Variants in APC2 observed in about 807,000 individuals in gnomAD.
APC2 encodes the protein APC regulator of Wnt signaling pathway 2.
APC2 carries 41 observed loss-of-function variants against 72.5 expected under a neutral mutation model. The observed-to-expected ratio is 0.57, with a 90% CI of 0.44 to 0.73. APC2 has a LOEUF of 0.73. Ranked by LOEUF, APC2 falls within the 30% of genes least tolerant of loss-of-function variation. The pLI, the probability that APC2 is intolerant of heterozygous loss-of-function variation, is 0.00. For synonymous variants in APC2, 1,898 were observed against 1,612.0 expected (o/e 1.18, Z -4.25); for missense variants, 3,729 against 3,403.4 (o/e 1.10, Z -2.38).
Position 1,457,027 on chromosome 19 carries a change from C to A in APC2, c.991C>A (p.Arg331Ser). ...CGGCACCGAGGCCGCGGCCGGGGGT[C>A]GCGCCGGGGCCCCAGGGGCACCGGG... ...LHGTEAAAGG[R>S]AGAPGAPGAK... Residue 331 changes from arginine (R) to serine (S), a missense_variant, in exon 9 of 15, where the codon CGC (arginine) becomes AGC (serine). Coordinates refer to ENST00000590469, the MANE Select transcript of APC2 (RefSeq NM_005883.3). 1 of 1,526,896 alleles carries A rather than the reference C, an allele frequency of 6.5e-7. No individual in the cohort carries two copies. The highest frequency in any genetic ancestry group is 2.0e-5 in the Admixed American group (1 of 48,876). 94.6% of individuals were successfully genotyped at this position (1,526,896 alleles called of 1,614,324 possible). A position where few individuals can be genotyped will look rare whatever the true frequency, so the allele number is the denominator to read the frequency against.
At chr19:1,455,578 G>T in intron 6 of APC2, 78 bp downstream of exon 6, 1 of 1,392,910 alleles carries the variant, frequency 7.2e-7, no homozygotes, top group South Asian at 1.2e-5. Context: ...GATATTATGG[G>T]CGGGGTCTGG....
rs539331770 is a variant in APC2 at position 1,452,796 on chromosome 19, C to A, written c.-18-188C>A. ...ACCTCTCACTCCACCTGCCCCTCTGCGCCCCGGATTGCCTGGCCACCACCA... is the reference window on the plus strand; with the variant it reads ...ACCTCTCACTCCACCTGCCCCTCTGAGCCCCGGATTGCCTGGCCACCACCA... On this transcript the variant is annotated intron_variant, in intron 1 of 14. Transcript: ENST00000590469. The surrounding 1 kb of genome is among the most constrained non-coding windows in gnomAD (Gnocchi z 5.1). 2.0e-4 allele frequency: 134 copies of A among 655,260 alleles called. 1 individual carries two copies. In the South Asian group the frequency reaches 2.7e-3, roughly 13 times the overall value. 40.6% of individuals were successfully genotyped at this position (655,260 alleles called of 1,614,324 possible).
rs2084100104 is a variant in APC2, at chr19:1,469,743, C to T, written c.6442C>T (p.Arg2148Cys). The T allele has an allele frequency of 3.4e-6, 5 of 1,483,786 alleles. No homozygotes were observed. The highest frequency in any genetic ancestry group is 2.7e-6 in the Non-Finnish European group (3 of 1,125,074). The allele number at this position is 1,483,786 out of a possible 1,614,324, so 91.9% of individuals were successfully genotyped here. A position where few individuals can be genotyped will look rare whatever the true frequency, so the allele number is the denominator to read the frequency against. Residue 2148 changes from arginine (R) to cysteine (C), a missense_variant, in exon 15 of 15, where the codon CGC becomes TGC. Coordinates refer to ENST00000590469, the MANE Select transcript of APC2 (RefSeq NM_005883.3). ...GGCCGCGCCGGGCACGACCTGGCGG[C>T]GCATCCGAGATGAGGACGTGCCCCA... Reference protein sequence around the residue: ...RVAAPGTTWRRIRDEDVPHIL... With the variant: ...RVAAPGTTWRCIRDEDVPHIL...
chr19:1,467,040 C>G lies in APC2; in HGVS notation c.3739C>G (p.Arg1247Gly). 1 of 1,611,626 alleles carries G rather than the reference C, an allele frequency of 6.2e-7. No homozygotes were observed. The highest frequency in any genetic ancestry group is 2.2e-5 in the East Asian group (1 of 44,830). Residue 1247 changes from arginine to glycine, a missense_variant, in exon 15 of 15, where the codon CGG becomes GGG. Transcript: ENST00000590469. Reference protein sequence around the residue: ...VKRFLDIADCRERCRLPSELD... With the variant: ...VKRFLDIADCGERCRLPSELD... ...GCGCTTCCTGGACATCGCCGACTGC[C>G]GGGAGCGCTGCCGGCTGCCATCTGA...
Position 1,466,104 on chromosome 19 carries a change from G to A in APC2, c.2803G>A (p.Gly935Arg), listed in dbSNP as rs772726069. 3 of 1,552,154 alleles carry A rather than the reference G, an allele frequency of 1.9e-6. No individual in the cohort carries two copies. The highest frequency in any genetic ancestry group is 2.6e-6 in the Non-Finnish European group (3 of 1,158,788). The part of the protein sequence containing the change: ...DSLNSGSASD[G>R]YCPREHMLPC... ...CCTCAACAGCGGCAGTGCCAGCGAC[G>A]GGTACTGCCCACGCGAACATATGCT... The change falls in exon 15 of 15, where the codon GGG becomes AGG. Residue 935 changes from glycine (G) to arginine (R), a missense_variant. Gly to Arg is a moderately radical substitution (Grantham distance 125). Coordinates refer to ENST00000590469, the MANE Select transcript of APC2 (RefSeq NM_005883.3).
chr19:1,468,313 A>G lies in APC2; in HGVS notation c.5012A>G (p.Glu1671Gly). Residue 1671 changes from glutamate to glycine, a missense_variant, in exon 15 of 15, where the codon GAG (glutamate) becomes GGG (glycine). Transcript: ENST00000590469. ...PAEGSRERGE[E>G]AAGSDRASDL... Reference sequence around the variant, plus strand: ...GAGGGGTCCCGGGAACGCGGCGAGGAGGCAGCGGGCTCGGACCGGGCCTCC... The same window carrying G: ...GAGGGGTCCCGGGAACGCGGCGAGGGGGCAGCGGGCTCGGACCGGGCCTCC... The G allele has an allele frequency of 6.5e-7, 1 of 1,548,434 alleles. No homozygotes were observed. Among genetic ancestry groups the G allele is most frequent in the Admixed American group, 1.9e-5 (1 of 52,044 alleles).
Position 1,457,234 on chromosome 19 carries a change from G to T in APC2, c.1198G>T (p.Ala400Ser). The stretch of plus-strand genomic sequence containing the variant: ...AGACGGCGGGCCCGAGGGAGGTGGC[G>T]CCGGCAGCGGTGAGTGCCTGGCCTG... ...ARDGGPEGGG[A>S]GSAPIPIEPQ... Residue 400 changes from alanine (A) to serine (S), a missense_variant, in exon 9 of 15, where the codon GCC (alanine) becomes TCC (serine). Ala to Ser is a moderately conservative substitution (Grantham distance 99, BLOSUM62 1). Transcript: ENST00000590469. The T allele has an allele frequency of 6.5e-7, 1 of 1,529,030 alleles. No homozygotes were observed. Among genetic ancestry groups the T allele is most frequent in the Non-Finnish European group, 8.8e-7 (1 of 1,141,960 alleles). The allele number at this position is 1,529,030 out of a possible 1,614,324, so 94.7% of individuals were successfully genotyped here. A position where few individuals can be genotyped will look rare whatever the true frequency, so the allele number is the denominator to read the frequency against.
intron 9 of APC2, 159 bp from the exon 10 acceptor site, chr19:1,457,806 C>T: frequency 1.5e-6 from 1 of 657,576 alleles, no homozygotes; most frequent in Non-Finnish European, 2.7e-6. Flanking sequence ...CCCCATCATC[C>T]CATCTTAGAG....
At position 1,456,878 on chromosome 19, in the gene APC2, C is replaced by A; in HGVS notation, c.842C>A (p.Ser281Tyr). 2.5e-6 allele frequency: 4 copies of A among 1,595,122 alleles called. No homozygotes were observed. Among genetic ancestry groups the A allele is most frequent in the Non-Finnish European group, 3.4e-6 (4 of 1,176,606 alleles). ...SKVEVVFWLL[S>Y]MLATRDQEDT... ...GTGGAGGTGGTCTTCTGGCTGTTGT[C>A]CATGTTGGCGACGCGCGACCAGGAG... Residue 281 changes from serine (S) to tyrosine (Y), a missense_variant, in exon 9 of 15, where the codon TCC becomes TAC. Coordinates refer to ENST00000590469, the MANE Select transcript of APC2 (RefSeq NM_005883.3).
intron 4 of APC2, among the ~76,000 whole-genome samples, chr19:1,453,828 T>G (rs967924917): frequency 9.9e-5 from 15 of 151,948 alleles, no homozygotes; most frequent in African/African-American, 3.6e-4. Flanking sequence ...TGACCTCTGC[T>G]GGAGTTCAGA....
Position 1,467,777 on chromosome 19 carries a change from G to C in APC2, c.4476G>C (p.Ala1492=). Residue 1492 remains alanine, a synonymous_variant, in exon 15 of 15, where the codon GCG becomes GCC. Transcript: ENST00000590469. The part of the protein sequence containing the change: ...SKPGRTRGDG[A]LQSLCLTTPT... ...CCGGCCGGACCCGCGGGGACGGGGC[G>C]CTCCAGTCGCTGTGCCTCACGACGC... 7.0e-7 allele frequency: 1 copy of C among 1,432,898 alleles called. No individual in the cohort carries two copies. Among genetic ancestry groups the C allele is most frequent in the Non-Finnish European group, 9.1e-7 (1 of 1,098,732 alleles). The allele number at this position is 1,432,898 out of a possible 1,614,324, so 88.8% of individuals were successfully genotyped here.
chr19:1,461,845 C>G (rs2083929911), intron 13 of APC2, 118 bp from the exon 14 acceptor site: 1 of 821,150 alleles, frequency 1.2e-6, no homozygotes, highest in Admixed American at 2.9e-5. Context: ...GAGTGAGATT[C>G]CGTCTCAAAA....
chr19:1,466,230 G>C lies in APC2; in HGVS notation c.2929G>C (p.Glu977Gln), dbSNP rs781574321. ...LDLDLPGCQA[E>Q]PPAREATSAD... is the part of the protein sequence containing the mutation. Reference sequence around the variant, plus strand: ...CCTTGACCTGCCCGGCTGCCAGGCCGAGCCCCCGGCCCGCGAGGCCACCTC... The same window carrying C: ...CCTTGACCTGCCCGGCTGCCAGGCCCAGCCCCCGGCCCGCGAGGCCACCTC... Residue 977 changes from glutamate to glutamine, a missense_variant, in exon 15 of 15, where the codon GAG becomes CAG. Glu to Gln is a conservative substitution (Grantham distance 29). Coordinates refer to ENST00000590469, the MANE Select transcript of APC2 (RefSeq NM_005883.3). The C allele has an allele frequency of 6.5e-7, 1 of 1,540,322 alleles. No homozygotes were observed. The highest frequency in any genetic ancestry group is 1.2e-5 in the South Asian group (1 of 84,218).
chr19:1,462,960 G>C (rs1186877649), intron 14 of APC2, among the ~76,000 whole-genome samples: 1 of 137,794 alleles, frequency 7.3e-6, no homozygotes, highest in Non-Finnish European at 1.5e-5. Flanking sequence ...GACAGAGCAA[G>C]ATTCCGTCTT....
At position 1,465,224 on chromosome 19, in the gene APC2, C is replaced by G. The variant is rs139070371; in HGVS notation, c.1923C>G (p.Ile641Met). ...LQHLTSHSLT[I>M]VSNACGTLWN... is the part of the protein sequence containing the mutation. Reference sequence around the variant, plus strand: ...ATCTGACTTCGCACAGCCTGACCATCGTGAGCAACGCGTGCGGCACGCTCT... The same window carrying G: ...ATCTGACTTCGCACAGCCTGACCATGGTGAGCAACGCGTGCGGCACGCTCT... Residue 641 changes from isoleucine (I) to methionine (M), a missense_variant, in exon 15 of 15, where the codon ATC (isoleucine) becomes ATG (methionine). Physicochemically the swap from Ile to Met is conservative, Grantham distance 10 (BLOSUM62 1). Coordinates refer to ENST00000590469, the MANE Select transcript of APC2 (RefSeq NM_005883.3). 1 of 1,610,634 alleles carries G rather than the reference C, an allele frequency of 6.2e-7. No individual in the cohort carries two copies. The highest frequency in any genetic ancestry group is 1.3e-5 in the African/African-American group (1 of 75,018).
chr19:1,457,798 C>T, intron 9 of APC2, 167 bp from the exon 10 acceptor site: 1 of 647,542 alleles, frequency 1.5e-6, no homozygotes, highest in Non-Finnish European at 2.8e-6. Context: ...AGAGGCCACC[C>T]CATCATCCCA....
At chr19:1,451,401 C>T (rs8100242) in intron 1 of APC2, 60,495 of 152,576 alleles carry the variant, frequency 0.4, 13,024 homozygotes, top group African/African-American at 0.58. Flanking sequence ...GAGCCAGACC[C>T]CAGGGTCTCC....
intron 9 of APC2, chr19:1,457,681 G>A (rs1599140265): frequency 1.9e-6 from 1 of 539,006 alleles, no homozygotes; most frequent in East Asian, 3.3e-5. Flanking sequence ...CTGGACAACA[G>A]AGCGAGACCC....
Position 1,460,762 on chromosome 19 carries a change from C to T in APC2, c.1444-18C>T. The T allele has an allele frequency of 6.2e-7, 1 of 1,609,988 alleles. No individual in the cohort carries two copies. Among genetic ancestry groups the T allele is most frequent in the Non-Finnish European group, 8.5e-7 (1 of 1,177,676 alleles). ...TTGTGTCCCAACCCCGTGACCCCGG[C>T]TGCATAACCCCCAACAGGCCACCCT... On this transcript the variant is annotated intron_variant, in intron 11 of 14. Transcript: ENST00000590469.
Sources: allele counts gnomAD v4.1 joint callset (sites outside exome capture counted in the v4.1 genomes callset), GRCh38; gene constraint gnomAD v4.1.1; non-coding constraint Gnocchi (gnomAD v3.1); transcripts MANE v1.5; gene names NCBI Gene and HGNC (gene_info 2026-07-23, HGNC 2026-07-21).